MAN1C1: variants seen among roughly 807,000 people sequenced by gnomAD.
MAN1C1 encodes mannosyl-oligosaccharide 1,2-alpha-mannosidase IC.
A neutral mutation model predicts 71.5 loss-of-function variants in MAN1C1; 49 were observed. The observed-to-expected ratio is 0.69, with a 90% CI of 0.54 to 0.87. The LOEUF is 0.87. Ranked by LOEUF, MAN1C1 falls within the 40% of genes least tolerant of loss-of-function variation. MAN1C1 has a pLI of 0.00. For missense variants in MAN1C1, 743 were observed against 835.0 expected (o/e 0.89, Z 1.36); for synonymous variants, 352 against 343.7 (o/e 1.02, Z -0.27).
In MAN1C1 at chr1:25,758,709, G is replaced by A. The variant is rs1311812544; in HGVS notation, c.1047G>A (p.Lys349=). 1.2e-6 allele frequency: 2 copies of A among 1,612,370 alleles called. No individual in the cohort carries two copies. The highest frequency in any genetic ancestry group is 1.7e-6 in the Non-Finnish European group (2 of 1,178,440). The change falls in exon 6 of 12, where the codon AAG becomes AAA. Residue 349 remains lysine, a splice_region_variant and synonymous_variant. Coordinates refer to ENST00000374332, the MANE Select transcript of MAN1C1 (RefSeq NM_020379.4). Reference sequence around the variant, plus strand: ...CTGGCAACCAGGTCTTCGCTGAAAAGGCAAGTCTCCTCCCCACCCTTCTTC... The same window carrying A: ...CTGGCAACCAGGTCTTCGCTGAAAAAGCAAGTCTCCTCCCCACCCTTCTTC... ...ELSGNQVFAE[K]VRNIRKVLRK...
intron 1 of MAN1C1, among the ~76,000 whole-genome samples, chr1:25,677,099 C>T (rs2046079719): frequency 6.6e-6 from 1 of 152,142 alleles, no homozygotes; most frequent in Admixed American, 6.5e-5. Context: ...AAATCTTAAA[C>T]CAAATAATAA....
intron 11 of MAN1C1, 98 bp from the exon 12 acceptor site, chr1:25,783,565 C>A (rs969941525): frequency 7.3e-7 from 1 of 1,374,500 alleles, no homozygotes; most frequent in Non-Finnish European, 1.0e-6. Flanking sequence ...TGACCATAGG[C>A]CTATCACAAA....
intron 2 of MAN1C1, among the ~76,000 whole-genome samples, chr1:25,699,415 G>T (rs2046409248): frequency 6.6e-6 from 1 of 152,124 alleles, no homozygotes; most frequent in Non-Finnish European, 1.5e-5. Context: ...CGGCCCCTTG[G>T]GGTCTAAAAG....
At chr1:25,719,769 T>G (rs1259582626) in intron 2 of MAN1C1, among the ~76,000 whole-genome samples, 1 of 152,014 alleles carries the variant, frequency 6.6e-6, no homozygotes, top group Non-Finnish European at 1.5e-5. Flanking sequence ...GAAAGTGATA[T>G]CTCATTGTTA....
At chr1:25,738,010 TG>T (rs2047006342) in intron 2 of MAN1C1, among the ~76,000 whole-genome samples, 1 of 152,048 alleles carries the variant, frequency 6.6e-6, no homozygotes, top group South Asian at 2.1e-4. Context: ...AGTTTGAACT[TG>T]GAGAACTGAG....
intron 1 of MAN1C1, among the ~76,000 whole-genome samples, chr1:25,672,050 G>C (rs951107362): frequency 1.3e-5 from 2 of 152,236 alleles, no homozygotes; most frequent in Non-Finnish European, 1.5e-5. Context: ...AACGGCCTGG[G>C]AACCAGGGAA....
intron 1 of MAN1C1, among the ~76,000 whole-genome samples, chr1:25,658,406 C>T (rs969461033): frequency 6.6e-6 from 1 of 152,082 alleles, no homozygotes; most frequent in African/African-American, 2.4e-5. Context: ...AGGCAGGTGG[C>T]CCCAGGCTTG....
intron 6 of MAN1C1, chr1:25,763,596 G>C: frequency 2.5e-6 from 1 of 393,066 alleles, no homozygotes; most frequent in South Asian, 3.7e-5. Context: ...AGTCGGCCAG[G>C]CAGTGGTTCT....
Position 25,671,478 on chromosome 1 carries a change from A to C in MAN1C1, c.541-14962A>C, listed in dbSNP as rs528528977. Reference sequence around the variant, plus strand: ...CAGCATTCAAGGGCAAAGGAGACAGACATGAAATAAATGATTATCCCGTAG... The same window carrying C: ...CAGCATTCAAGGGCAAAGGAGACAGCCATGAAATAAATGATTATCCCGTAG... On this transcript the variant is annotated intron_variant, in intron 1 of 11. Transcript: ENST00000374332. 2.6e-5 allele frequency among the ~76,000 whole-genome samples: 4 copies of C among 152,340 alleles called. No homozygotes were observed. The East Asian group carries it at 7.7e-4, about 29-fold the overall frequency.
chr1:25,746,503 G>A lies in MAN1C1; in HGVS notation c.638-165G>A, dbSNP rs1188103906. On this transcript the variant is annotated intron_variant, in intron 2 of 11. Transcript: ENST00000374332. The surrounding 1 kb of genome is among the most constrained non-coding windows in gnomAD (Gnocchi z 4.0). Reference sequence around the variant, plus strand: ...CATGGCGGGGACTCTGGGTCTCGGCGTCACCTTCGATGGTGGCACTGGAGT... The same window carrying A: ...CATGGCGGGGACTCTGGGTCTCGGCATCACCTTCGATGGTGGCACTGGAGT... 6.6e-6 allele frequency among the ~76,000 whole-genome samples: 1 copy of A among 152,186 alleles called. No individual in the cohort carries two copies. Among genetic ancestry groups the A allele is most frequent in the African/African-American group, 2.4e-5 (1 of 41,440 alleles).
chr1:25,771,627 A>T, intron 7 of MAN1C1, 30 bp from the exon 8 acceptor site: 3 of 1,556,076 alleles, frequency 1.9e-6, no homozygotes, highest in Non-Finnish European at 2.7e-6. Context: ...GCAGATGGAG[A>T]TAATGTTCTT....
Position 25,775,225 on chromosome 1 carries a change from A to T in MAN1C1, c.1258-2880A>T, listed in dbSNP as rs1284470743. On this transcript the variant is annotated intron_variant, in intron 8 of 11. Coordinates refer to ENST00000374332, the MANE Select transcript of MAN1C1 (RefSeq NM_020379.4). The surrounding 1 kb of genome is among the most constrained non-coding windows in gnomAD (Gnocchi z 5.1). The stretch of plus-strand genomic sequence containing the variant: ...CTGCACCGCAGGCTTAGTGACGCCG[A>T]GCAGCTGCCAGGGACATGGCTCTGC... 6.6e-6 allele frequency among the ~76,000 whole-genome samples: 1 copy of T among 152,190 alleles called. No homozygotes were observed. The highest frequency in any genetic ancestry group is 1.5e-5 in the Non-Finnish European group (1 of 68,036).
At chr1:25,686,986 G>A (rs972676173) in intron 2 of MAN1C1, among the ~76,000 whole-genome samples, 10 of 152,112 alleles carry the variant, frequency 6.6e-5, no homozygotes, top group African/African-American at 2.4e-4. Context: ...TTTAGAGTCG[G>A]GGCTGGGGGC....
intron 7 of MAN1C1, among the ~76,000 whole-genome samples, chr1:25,768,192 T>C (rs1380787730): frequency 9.7e-5 from 9 of 92,780 alleles, no homozygotes; most frequent in Admixed American, 2.4e-4. Flanking sequence ...TCCCCTCACA[T>C]ACATCCACAC....
At chr1:25,665,262 C>G (rs932248408) in intron 1 of MAN1C1, among the ~76,000 whole-genome samples, 16 of 152,166 alleles carry the variant, frequency 1.1e-4, no homozygotes, top group Non-Finnish European at 2.9e-5. Context: ...CTGAGACACA[C>G]GTACACATGT....
At chr1:25,738,828 A>C (rs2047018000) in intron 2 of MAN1C1, among the ~76,000 whole-genome samples, 1 of 152,108 alleles carries the variant, frequency 6.6e-6, no homozygotes, top group South Asian at 2.1e-4. Context: ...CAACATTCTG[A>C]GAGGCAGGAA....
chr1:25,698,034 C>G (rs892855434), intron 2 of MAN1C1, among the ~76,000 whole-genome samples: 3 of 152,230 alleles, frequency 2.0e-5, no homozygotes, highest in Non-Finnish European at 4.4e-5. Flanking sequence ...GGTCCCTGCT[C>G]TTCCTGCCTT....
At chr1:25,679,049 A>AAG (rs1330187625) in intron 1 of MAN1C1, among the ~76,000 whole-genome samples, 3 of 144,708 alleles carry the variant, frequency 2.1e-5, no homozygotes, top group Admixed American at 6.7e-5. Flanking sequence ...GAGATGAGAC[A>AAG]AGAGAGAGAG....
intron 9 of MAN1C1, 126 bp from the exon 10 acceptor site, chr1:25,780,813 AC>A (rs1367256307): frequency 9.6e-6 from 9 of 941,950 alleles, no homozygotes; most frequent in Non-Finnish European, 1.5e-5. Flanking sequence ...AGGCAGGGGC[AC>A]CCCACACCCA....
Sources: gnomAD v4.1 joint callset for allele counts (sites outside exome capture counted in the v4.1 genomes callset) on GRCh38, gnomAD v4.1.1 for gene constraint, Gnocchi (gnomAD v3.1) non-coding constraint, MANE v1.5 for transcripts, NCBI Gene and HGNC (gene_info 2026-07-23, HGNC 2026-07-21) for gene names.